Variants in MAPKAPK3 observed in about 807,000 individuals in gnomAD.
MAPKAPK3 encodes MAPK activated protein kinase 3, also known as MAP kinase-activated protein kinase 3.
A neutral mutation model predicts 49.2 loss-of-function variants in MAPKAPK3; 35 were observed. The observed-to-expected ratio is 0.71, with a 90% CI of 0.54 to 0.94. The LOEUF (loss-of-function observed/expected upper bound fraction) is 0.94. MAPKAPK3 is among the 40% of genes least tolerant of loss of function. The pLI is 0.00. For synonymous variants in MAPKAPK3, 178 were observed against 188.7 expected (o/e 0.94, Z 0.46); for missense variants, 398 against 493.1 (o/e 0.81, Z 1.83).
chr3:50,641,396 C>T (rs2033173019), intron 3 of MAPKAPK3, among the ~76,000 whole-genome samples: 1 of 152,190 alleles, frequency 6.6e-6, no homozygotes, highest in African/African-American at 2.4e-5. Context: ...GAAACAGAGA[C>T]TTGAATGGGG....
At chr3:50,642,807 C>T (rs1368898508) in intron 5 of MAPKAPK3, among the ~76,000 whole-genome samples, 5 of 152,176 alleles carry the variant, frequency 3.3e-5, no homozygotes, top group African/African-American at 1.2e-4. Context: ...TGCCAGGCCT[C>T]AGGCAGGGGC....
intron 2 of MAPKAPK3, among the ~76,000 whole-genome samples, chr3:50,621,185 C>T (rs556450564): frequency 1.9e-4 from 29 of 152,158 alleles, no homozygotes; most frequent in Middle Eastern, 3.2e-3. Flanking sequence ...AGGCTGGGTG[C>T]GGTGGCTTGT....
intron 2 of MAPKAPK3, among the ~76,000 whole-genome samples, chr3:50,639,577 T>C (rs1469447203): frequency 6.6e-6 from 1 of 152,202 alleles, no homozygotes; most frequent in African/African-American, 2.4e-5. Context: ...GTGAGAGTTT[T>C]GTTCTCATGC....
chr3:50,621,270 C>T (rs1458132664), intron 2 of MAPKAPK3, among the ~76,000 whole-genome samples: 1 of 152,062 alleles, frequency 6.6e-6, no homozygotes, highest in Non-Finnish European at 1.5e-5. Flanking sequence ...CCAGTCTTGG[C>T]AACATGGTAA....
At chr3:50,647,061 G>A in intron 9 of MAPKAPK3, 62 bp from the exon 10 acceptor site, 1 of 1,384,620 alleles carries the variant, frequency 7.2e-7, no homozygotes, top group African/African-American at 1.4e-5. Flanking sequence ...ATGGAGTAGG[G>A]GGAACCAGTG....
chr3:50,612,355 G>A (rs2032356675), upstream of MAPKAPK3: 1 of 152,206 alleles, frequency 6.6e-6, no homozygotes, highest in South Asian at 2.1e-4. Context: ...CCCCGTGTTG[G>A]GACGGCCGCT....
intron 2 of MAPKAPK3, among the ~76,000 whole-genome samples, chr3:50,625,435 G>A (rs997871650): frequency 2.0e-5 from 3 of 152,146 alleles, no homozygotes; most frequent in Admixed American, 6.5e-5. Flanking sequence ...AGTGGATTAG[G>A]CCCTGTGCAA....
chr3:50,620,483 T>A (rs189604592), intron 2 of MAPKAPK3, among the ~76,000 whole-genome samples: 24 of 152,196 alleles, frequency 1.6e-4, no homozygotes, highest in Admixed American at 2.6e-4. Flanking sequence ...ATGCTCATCC[T>A]CTTGGCTCTG....
chr3:50,641,865 C>A, intron 4 of MAPKAPK3, 94 bp downstream of exon 4: 1 of 1,049,140 alleles, frequency 9.5e-7, no homozygotes, highest in Non-Finnish European at 1.5e-6. Flanking sequence ...CTGTTCCTCT[C>A]AGTCTTCCCA....
chr3:50,644,366 C>T, intron 5 of MAPKAPK3, 43 bp from the exon 6 acceptor site: 2 of 1,611,110 alleles, frequency 1.2e-6, no homozygotes, highest in Non-Finnish European at 1.7e-6. Context: ...CTGCTCCTGC[C>T]TGGTTCCTAA....
chr3:50,630,260 A>G (rs1180601575), intron 2 of MAPKAPK3, among the ~76,000 whole-genome samples: 1 of 152,044 alleles, frequency 6.6e-6, no homozygotes, highest in African/African-American at 2.4e-5. Context: ...TCATCCATAG[A>G]CCCCTAAATC....
intron 2 of MAPKAPK3, among the ~76,000 whole-genome samples, chr3:50,628,002 G>A (rs2032804034): frequency 6.6e-6 from 1 of 152,160 alleles, no homozygotes. Flanking sequence ...TGAGATAGAA[G>A]GTCAGTGTTG....
chr3:50,618,290 T>C (rs2032521472), intron 2 of MAPKAPK3, among the ~76,000 whole-genome samples: 2 of 152,190 alleles, frequency 1.3e-5, no homozygotes, highest in Non-Finnish European at 2.9e-5. Context: ...ACAAGGCTGA[T>C]GCCCACTGCA....
At chr3:50,627,619 T>C (rs1390404599) in intron 2 of MAPKAPK3, among the ~76,000 whole-genome samples, 2 of 151,702 alleles carry the variant, frequency 1.3e-5, no homozygotes, top group African/African-American at 4.8e-5. Context: ...GGGGAGTGAG[T>C]CACTGCCGCC....
At chr3:50,645,635 G>C (rs1027512264) in intron 6 of MAPKAPK3, 75 bp from the exon 7 acceptor site, 3 of 1,222,556 alleles carry the variant, frequency 2.5e-6, no homozygotes, top group Non-Finnish European at 3.6e-6. Context: ...TCCCCACCTT[G>C]CCCAGGCTTT....
intron 2 of MAPKAPK3, among the ~76,000 whole-genome samples, chr3:50,628,667 G>C (rs886338414): frequency 6.6e-6 from 1 of 152,168 alleles, no homozygotes; most frequent in African/African-American, 2.4e-5. Flanking sequence ...GAAGGCTGTG[G>C]GCAGAATCCT....
intron 4 of MAPKAPK3, 61 bp from the exon 5 acceptor site, chr3:50,642,192 A>G: frequency 1.8e-6 from 2 of 1,095,862 alleles, no homozygotes; most frequent in Non-Finnish European, 1.4e-6. Context: ...AGGAGGGATG[A>G]TAGGGTGGGG....
chr3:50,647,730 G>T (rs552114546), intron 10 of MAPKAPK3, among the ~76,000 whole-genome samples, 164 bp from the exon 11 acceptor site: 2 of 152,382 alleles, frequency 1.3e-5, no homozygotes, highest in South Asian at 4.1e-4. Context: ...ACGGTAGTGA[G>T]GATCATGTGA....
upstream of MAPKAPK3, among the ~76,000 whole-genome samples, chr3:50,613,240 ATCC>A (rs2032381904): frequency 6.6e-6 from 1 of 152,182 alleles, no homozygotes; most frequent in African/African-American, 2.4e-5. Context: ...GAACGATAGC[ATCC>A]AGGGAAGACA....
Sources: gnomAD v4.1 joint callset for allele counts (sites outside exome capture counted in the v4.1 genomes callset) on GRCh38, gnomAD v4.1.1 for gene constraint, MANE v1.5 for transcripts, NCBI Gene and HGNC (gene_info 2026-07-23, HGNC 2026-07-21) for gene names.